The following NBEA variants were observed in gnomAD, a reference collection of about 807,000 sequenced individuals.
The protein encoded by NBEA is lysosomal-trafficking regulator 2.
NBEA carries 44 observed loss-of-function variants against 343.4 expected under a neutral mutation model. That is an observed-to-expected ratio of 0.13 (90% CI 0.10 to 0.16). The LOEUF (loss-of-function observed/expected upper bound fraction) is 0.16. Among genes scored for constraint, NBEA ranks in the 10% least tolerant of loss-of-function variants. The probability of loss-of-function intolerance (pLI) is 1.00; values close to 1 mark genes in which losing one functional copy is unlikely to be tolerated. For missense variants in NBEA, 2,555 were observed against 3,631.3 expected, an observed-to-expected ratio of 0.70 and a Z score of 7.62; for synonymous variants, 1,175 against 1,238.7, an observed-to-expected ratio of 0.95 and a Z score of 1.08.
intron 1 of NBEA, among the ~76,000 whole-genome samples, chr13:35,013,057 A>G (rs1009890436): frequency 6.6e-6 from 1 of 152,218 alleles, no homozygotes; most frequent in Non-Finnish European, 1.5e-5. Context: ...ATGGTTGAAA[A>G]CTAAATATTT....
At chr13:35,153,157 T>C (rs1046620421) in intron 18 of NBEA, among the ~76,000 whole-genome samples, 2 of 150,672 alleles carry the variant, frequency 1.3e-5, no homozygotes, top group East Asian at 2.0e-4. Context: ...CTCAGCCTCC[T>C]GAGTAGCTGG....
At chr13:35,130,230 A>G (rs117118552) in intron 17 of NBEA, among the ~76,000 whole-genome samples, 6,954 of 152,194 alleles carry the variant, frequency 0.046, 238 homozygotes, top group Non-Finnish European at 0.067. Flanking sequence ...CTCTAAAAAT[A>G]AAGTGCATTT....
intron 45 of NBEA, among the ~76,000 whole-genome samples, chr13:35,568,450 A>G (rs1443199362): frequency 6.6e-6 from 1 of 152,190 alleles, no homozygotes; most frequent in Non-Finnish European, 1.5e-5. Flanking sequence ...ACTATTTACC[A>G]TATTCAGGTA....
chr13:35,427,418 G>C (rs1163149441), intron 38 of NBEA, among the ~76,000 whole-genome samples: 3 of 152,142 alleles, frequency 2.0e-5, no homozygotes, highest in Admixed American at 6.5e-5. Flanking sequence ...TGTTTGCCTG[G>C]GTATCAGCAG....
At chr13:35,001,858 A>G (rs2061153077) in intron 1 of NBEA, among the ~76,000 whole-genome samples, 2 of 152,146 alleles carry the variant, frequency 1.3e-5, no homozygotes, top group African/African-American at 4.8e-5. Context: ...AAAGTGATAG[A>G]TGTGCTAATT....
intron 44 of NBEA, among the ~76,000 whole-genome samples, chr13:35,565,927 A>G (rs1229404442): frequency 2.0e-5 from 3 of 152,192 alleles, no homozygotes; most frequent in Admixed American, 6.5e-5. Flanking sequence ...TGTATGATTG[A>G]CATCTGCCTC....
chr13:35,169,406 A>G (rs2070291694), intron 25 of NBEA, among the ~76,000 whole-genome samples: 1 of 151,502 alleles, frequency 6.6e-6, no homozygotes, highest in Non-Finnish European at 1.5e-5. Context: ...TGGAATACAA[A>G]TTCTCTTTTA....
At chr13:35,298,763 G>C (rs935272456) in intron 35 of NBEA, among the ~76,000 whole-genome samples, 1 of 151,868 alleles carries the variant, frequency 6.6e-6, no homozygotes, top group Non-Finnish European at 1.5e-5. Flanking sequence ...TTTTCCTTGA[G>C]TAACCAACTA....
chr13:35,094,149 C>A (rs2065218841), intron 10 of NBEA, among the ~76,000 whole-genome samples: 2 of 151,826 alleles, frequency 1.3e-5, no homozygotes, highest in Admixed American at 1.3e-4. Flanking sequence ...AAATCTCTGA[C>A]AAGACAAAGG....
chr13:35,389,035 T>C (rs2042379019), intron 38 of NBEA, among the ~76,000 whole-genome samples: 1 of 151,938 alleles, frequency 6.6e-6, no homozygotes, highest in South Asian at 2.1e-4. Context: ...TTTTTTTTCT[T>C]TTGGTAAACA....
chr13:35,615,619 A>G (rs143051457), intron 48 of NBEA, among the ~76,000 whole-genome samples: 1 of 152,154 alleles, frequency 6.6e-6, no homozygotes, highest in Non-Finnish European at 1.5e-5. Context: ...TGCTGGGATT[A>G]CAGGCCTGAG....
At chr13:35,243,002 CTTTA>C (rs1555344802) in intron 34 of NBEA, among the ~76,000 whole-genome samples, 2 of 151,626 alleles carry the variant, frequency 1.3e-5, no homozygotes, top group Non-Finnish European at 3.0e-5. Flanking sequence ...AATATGAAAA[CTTTA>C]TTATTATAAT....
chr13:35,253,506 T>G (rs2032222513), intron 34 of NBEA, among the ~76,000 whole-genome samples: 1 of 152,222 alleles, frequency 6.6e-6, no homozygotes, highest in Non-Finnish European at 1.5e-5. Context: ...GATACTTGCT[T>G]CATTACAGTG....
At chr13:34,995,573 AC>A (rs1555270553) in intron 1 of NBEA, among the ~76,000 whole-genome samples, 4 of 152,186 alleles carry the variant, frequency 2.6e-5, no homozygotes, top group Non-Finnish European at 5.9e-5. Context: ...ACTATCTGCT[AC>A]CTGTTCACCT....
chr13:35,148,103 A>G (rs1239052291), intron 18 of NBEA, among the ~76,000 whole-genome samples: 5 of 152,114 alleles, frequency 3.3e-5, no homozygotes, highest in African/African-American at 9.7e-5. Context: ...GTTTCCAAAC[A>G]CTGGTGGGAC....
intron 28 of NBEA, among the ~76,000 whole-genome samples, chr13:35,178,256 A>G (rs2152727531): frequency 6.6e-6 from 1 of 151,894 alleles, no homozygotes; most frequent in African/African-American, 2.4e-5. Flanking sequence ...TAAAACTCTT[A>G]CAAATCTTGA....
intron 2 of NBEA, among the ~76,000 whole-genome samples, chr13:35,041,655 TTAAAA>T (rs2062654950): frequency 6.6e-6 from 1 of 151,978 alleles, no homozygotes; most frequent in East Asian, 1.9e-4. Flanking sequence ...AACTTTTGTA[TTAAAA>T]TAAACTAATA....
chr13:35,447,969 G>GA (rs2046131018), intron 39 of NBEA, among the ~76,000 whole-genome samples: 1 of 152,112 alleles, frequency 6.6e-6, no homozygotes, highest in East Asian at 1.9e-4. Context: ...TTTGATGAAT[G>GA]AAACTCTAAT....
intron 34 of NBEA, among the ~76,000 whole-genome samples, chr13:35,269,699 T>C (rs1260658351): frequency 6.6e-6 from 1 of 152,060 alleles, no homozygotes; most frequent in African/African-American, 2.4e-5. Context: ...GGAAAATTGG[T>C]GGAGGTTTGT....
Sources: gnomAD v4.1 joint callset for allele counts (sites outside exome capture counted in the v4.1 genomes callset) on GRCh38, gnomAD v4.1.1 for gene constraint, MANE v1.5 for transcripts, NCBI Gene and HGNC (gene_info 2026-07-23, HGNC 2026-07-21) for gene names.